The following PRMT3 variants were observed in gnomAD, a reference collection of about 807,000 sequenced individuals.
PRMT3 encodes the protein protein arginine N-methyltransferase 3.
In PRMT3, 62 loss-of-function variants were observed where a neutral mutation model predicts 71.9. The observed-to-expected ratio is 0.86, with a 90% CI of 0.70 to 1.07. The LOEUF is 1.07. PRMT3 is among the 50% of genes least tolerant of loss of function. The pLI is 0.00. For synonymous variants in PRMT3, 213 were observed against 220.4 expected, an observed-to-expected ratio of 0.97 and a Z score of 0.30; for missense variants, 663 against 643.0, an observed-to-expected ratio of 1.03 and a Z score of -0.34.
At chr11:20,457,299 CT>C (rs1249040679) in intron 11 of PRMT3, among the ~76,000 whole-genome samples, 2 of 152,126 alleles carry the variant, frequency 1.3e-5, no homozygotes, top group Admixed American at 6.6e-5. Context: ...CCTTAGGAAC[CT>C]GGGGTTCCTC....
chr11:20,470,441 T>A (rs1258022637), intron 13 of PRMT3, among the ~76,000 whole-genome samples: 1 of 152,140 alleles, frequency 6.6e-6, no homozygotes, highest in Non-Finnish European at 1.5e-5. Context: ...GGTATCCATG[T>A]GTTTGCATTA....
intron 13 of PRMT3, among the ~76,000 whole-genome samples, chr11:20,465,208 G>A (rs1477096141): frequency 4.6e-5 from 7 of 151,838 alleles, no homozygotes; most frequent in African/African-American, 1.7e-4. Flanking sequence ...AGCCAGAAAC[G>A]TTAGATTATT....
chr11:20,433,461 T>C (rs1849697162), intron 10 of PRMT3, among the ~76,000 whole-genome samples: 1 of 152,144 alleles, frequency 6.6e-6, no homozygotes, highest in Non-Finnish European at 1.5e-5. Context: ...CTGTCACTGA[T>C]GGATGTTTAG....
chr11:20,507,904 C>T (rs1851631770), intron 15 of PRMT3, among the ~76,000 whole-genome samples: 2 of 151,894 alleles, frequency 1.3e-5, no homozygotes, highest in South Asian at 4.2e-4. Flanking sequence ...GTCAGGAGTT[C>T]GAGACCAGCC....
At chr11:20,449,668 A>G (rs898009532) in intron 10 of PRMT3, among the ~76,000 whole-genome samples, 25 of 152,282 alleles carry the variant, frequency 1.6e-4, no homozygotes, top group African/African-American at 4.8e-4. Flanking sequence ...AACGATTATC[A>G]CCACCATTAT....
chr11:20,424,004 G>A (rs751330133), intron 9 of PRMT3, among the ~76,000 whole-genome samples: 25 of 150,730 alleles, frequency 1.7e-4, no homozygotes, highest in Non-Finnish European at 2.5e-4. Flanking sequence ...CTAACACGGT[G>A]AAACCCCATA....
chr11:20,474,528 T>G (rs1850731635), intron 13 of PRMT3, among the ~76,000 whole-genome samples: 1 of 152,214 alleles, frequency 6.6e-6, no homozygotes, highest in African/African-American at 2.4e-5. Flanking sequence ...CAGCGGCTGC[T>G]CTGCCAGGAC....
intron 8 of PRMT3, among the ~76,000 whole-genome samples, chr11:20,405,289 T>C (rs1849045221): frequency 6.6e-6 from 1 of 152,136 alleles, no homozygotes; most frequent in Non-Finnish European, 1.5e-5. Flanking sequence ...TCTTTATGCT[T>C]GTGATTATTA....
chr11:20,397,408 C>T (rs1026001197), intron 6 of PRMT3, among the ~76,000 whole-genome samples, 169 bp from the exon 7 acceptor site: 2 of 152,096 alleles, frequency 1.3e-5, no homozygotes, highest in Admixed American at 6.6e-5. Flanking sequence ...TGAATATTGC[C>T]ATTGCTTCAG....
chr11:20,403,638 T>TCTCTTTTCCTCC (rs1565196473), intron 8 of PRMT3, among the ~76,000 whole-genome samples: 2 of 151,660 alleles, frequency 1.3e-5, no homozygotes, highest in Admixed American at 6.6e-5. Context: ...TCTTTTCCTC[T>TCTCTTTTCCTCC]CTTTATACAT....
Position 20,494,221 on chromosome 11 carries a change from T to C in PRMT3, c.1453T>C (p.Phe485Leu). 31 of 1,610,412 alleles carry C rather than the reference T, an allele frequency of 1.9e-5. No homozygotes were observed. Among genetic ancestry groups the C allele is most frequent in the Non-Finnish European group, 2.6e-5 (31 of 1,176,710 alleles). Reference protein sequence around the residue: ...STKTHWKQTVFLLEKPFSVKA... With the variant: ...STKTHWKQTVLLLEKPFSVKA... ...CAAAACACACTGGAAACAAACAGTA[T>C]TTCTACTGGAAAAACCATTTTCAGT... Residue 485 changes from phenylalanine to leucine, a missense_variant, in exon 15 of 16, where the codon TTT (phenylalanine) becomes CTT (leucine). Physicochemically the swap from Phe to Leu is conservative, Grantham distance 22. Coordinates refer to ENST00000331079, the MANE Select transcript of PRMT3 (RefSeq NM_005788.4).
intron 15 of PRMT3, among the ~76,000 whole-genome samples, chr11:20,504,688 A>ATGTGTGTGTG (rs1216877795): frequency 1.7e-5 from 2 of 115,686 alleles, no homozygotes; most frequent in African/African-American, 6.9e-5. Context: ...CAAGTATTGT[A>ATGTGTGTGTG]TGTGTGTGTG....
At chr11:20,440,489 C>CAAAAAAAAAAAAAAAA (rs55801324) in intron 10 of PRMT3, among the ~76,000 whole-genome samples, 4 of 115,920 alleles carry the variant, frequency 3.5e-5, no homozygotes, top group East Asian at 2.5e-4. Flanking sequence ...ACTAAAAATA[C>CAAAAAAAAAAAAAAAA]AAAAAAAAAA....
At chr11:20,507,685 A>G (rs1008070106) in intron 15 of PRMT3, among the ~76,000 whole-genome samples, 5 of 152,152 alleles carry the variant, frequency 3.3e-5, no homozygotes, top group Admixed American at 6.5e-5. Flanking sequence ...AGGCTGAGGC[A>G]GGAGAAATCA....
At chr11:20,451,028 G>A (rs552908864) in intron 10 of PRMT3, among the ~76,000 whole-genome samples, 1 of 152,250 alleles carries the variant, frequency 6.6e-6, no homozygotes, top group South Asian at 2.1e-4. Context: ...TGGGGGGTTG[G>A]ACCCTAGAAG....
intron 10 of PRMT3, among the ~76,000 whole-genome samples, chr11:20,437,045 A>G (rs1157088218): frequency 1.3e-5 from 2 of 152,138 alleles, no homozygotes; most frequent in Middle Eastern, 3.4e-3. Context: ...AGGTTTTCCA[A>G]TTTGTTAGCA....
Position 20,507,828 on chromosome 11 carries a change from T to C in PRMT3, c.1487-476T>C, listed in dbSNP as rs1184544877. ...GCTGCTCTAAAAAATGAATATTGGC[T>C]GGGCACAATGGCTCATTCCTGTATT... On this transcript the variant is annotated intron_variant, in intron 15 of 15. Coordinates refer to ENST00000331079, the MANE Select transcript of PRMT3 (RefSeq NM_005788.4). 2.0e-5 allele frequency among the ~76,000 whole-genome samples: 3 copies of C among 150,762 alleles called. No homozygotes were observed. In the East Asian group the frequency reaches 5.9e-4, roughly 30 times the overall value.
chr11:20,418,928 A>G (rs114146163), intron 9 of PRMT3, among the ~76,000 whole-genome samples: 4,880 of 152,296 alleles, frequency 0.032, 190 homozygotes, highest in Admixed American at 0.12. Context: ...TTTGCCACCA[A>G]TTCAGAATCC....
intron 10 of PRMT3, among the ~76,000 whole-genome samples, chr11:20,451,470 A>G (rs1358057589): frequency 6.6e-6 from 1 of 151,760 alleles, no homozygotes; most frequent in Non-Finnish European, 1.5e-5. Flanking sequence ...CTTTTTGACT[A>G]AGGATCCCTC....
Sources: allele counts gnomAD v4.1 joint callset (sites outside exome capture counted in the v4.1 genomes callset), GRCh38; gene constraint gnomAD v4.1.1; transcripts MANE v1.5; gene names NCBI Gene and HGNC (gene_info 2026-07-23, HGNC 2026-07-21).